The following DAGLA variants were observed in gnomAD, a reference collection of about 807,000 sequenced individuals.
The protein encoded by DAGLA is diacylglycerol lipase alpha.
In DAGLA, 22 loss-of-function variants were observed where a neutral mutation model predicts 102.6. The observed-to-expected ratio is 0.21, with a 90% CI of 0.15 to 0.31. The LOEUF (loss-of-function observed/expected upper bound fraction) is 0.31, where lower values mean the gene tolerates loss of function less well. Ranked by LOEUF, DAGLA falls within the 10% of genes least tolerant of loss-of-function variation. The probability of loss-of-function intolerance (pLI) is 1.00; values close to 1 mark genes in which losing one functional copy is unlikely to be tolerated. For synonymous variants in DAGLA, 578 were observed against 628.9 expected (o/e 0.92, Z 1.21); for missense variants, 927 against 1,446.6 (o/e 0.64, Z 5.83).
At position 61,720,905 on chromosome 11, in the gene DAGLA, C is replaced by A. The variant is rs757090449; in HGVS notation, c.307+15C>A. Reference sequence around the variant, plus strand: ...CGTGCGCCTGGGTAAGGGCCACCCACCCTGGGGTGCTGCCCCAGACAACTC... The same window carrying A: ...CGTGCGCCTGGGTAAGGGCCACCCAACCTGGGGTGCTGCCCCAGACAACTC... On this transcript the variant is annotated intron_variant, in intron 3 of 19. Coordinates refer to ENST00000257215, the MANE Select transcript of DAGLA (RefSeq NM_006133.3). 3 of 1,605,360 alleles carry A rather than the reference C, an allele frequency of 1.9e-6. No individual in the cohort carries two copies. Among genetic ancestry groups the A allele is most frequent in the Non-Finnish European group, 2.6e-6 (3 of 1,174,820 alleles).
chr11:61,708,517 A>G (rs2135568094), intron 1 of DAGLA, among the ~76,000 whole-genome samples: 2 of 152,042 alleles, frequency 1.3e-5, no homozygotes, highest in Middle Eastern at 6.8e-3. Flanking sequence ...AGTAGCTGGG[A>G]CTACAGGCTC....
intron 2 of DAGLA, 136 bp downstream of exon 2, chr11:61,720,386 C>T (rs1269420769): frequency 2.4e-6 from 2 of 845,192 alleles, no homozygotes; most frequent in Non-Finnish European, 3.8e-6. Flanking sequence ...GGAGGAGGTG[C>T]CTGAAACATC....
chr11:61,729,116 C>A, intron 8 of DAGLA, 108 bp downstream of exon 8: 3 of 967,152 alleles, frequency 3.1e-6, no homozygotes, highest in Non-Finnish European at 4.9e-6. Context: ...AGCCACATTG[C>A]CCCTGCCCGG....
intron 1 of DAGLA, among the ~76,000 whole-genome samples, chr11:61,697,078 C>T (rs198453): frequency 0.27 from 40,617 of 152,126 alleles, 5,682 homozygotes; most frequent in East Asian, 0.48. Context: ...TGGCATGGTT[C>T]GGTCTTGGCA....
Position 61,734,703 on chromosome 11 carries a change from G to T in DAGLA, c.975-146G>T. The T allele has an allele frequency of 1.4e-6, 1 of 697,552 alleles. No individual in the cohort carries two copies. The highest frequency in any genetic ancestry group is 2.6e-5 in the Admixed American group (1 of 38,898). The allele number at this position is 697,552 out of a possible 1,614,324, so 43.2% of individuals were successfully genotyped here. A position where few individuals can be genotyped will look rare whatever the true frequency, so the allele number is the denominator to read the frequency against. On this transcript the variant is annotated intron_variant, in intron 9 of 19. Coordinates refer to ENST00000257215, the MANE Select transcript of DAGLA (RefSeq NM_006133.3). The surrounding 1 kb of genome is among the most constrained non-coding windows in gnomAD (Gnocchi z 4.2). ...GAGTGGCCAGTGGATTTGGTGACGT[G>T]GGGGTCACTAGGACTTAGCAAGGGC...
chr11:61,735,621 A>G lies in DAGLA; in HGVS notation c.1189A>G (p.Ile397Val). The G allele has an allele frequency of 6.2e-7, 1 of 1,614,072 alleles. No individual in the cohort carries two copies. The highest frequency in any genetic ancestry group is 8.5e-7 in the Non-Finnish European group (1 of 1,179,944). ...DHDKKKVVIS[I>V]RGTLSPKDAL... Reference sequence around the variant, plus strand: ...TGACAAGAAGAAAGTGGTGATCAGTATCCGGGGGACCCTGTCCCCCAAGGT... The same window carrying G: ...TGACAAGAAGAAAGTGGTGATCAGTGTCCGGGGGACCCTGTCCCCCAAGGT... Residue 397 changes from isoleucine to valine, a missense_variant, in exon 11 of 20, where the codon ATC becomes GTC. By Grantham distance (29) the Ile-to-Val change is conservative. This residue lies in a region of DAGLA where 218 missense variants were observed against 459.6 expected (regional missense o/e 0.47). Coordinates refer to ENST00000257215, the MANE Select transcript of DAGLA (RefSeq NM_006133.3).
chr11:61,694,545 G>A (rs1040612949), intron 1 of DAGLA, among the ~76,000 whole-genome samples: 2 of 152,174 alleles, frequency 1.3e-5, no homozygotes, highest in African/African-American at 2.4e-5. Context: ...GTGCCTCTGC[G>A]CCGGCTGCCT....
Position 61,734,300 on chromosome 11 carries a change from GGCCAAGCCACCGA to G in DAGLA, c.975-547_975-535del, listed in dbSNP as rs1345524604. Among the ~76,000 whole-genome samples the G allele has an allele frequency of 2.0e-5, 3 of 151,954 alleles. No homozygotes were observed. Among genetic ancestry groups the G allele is most frequent in the Admixed American group, 2.0e-4 (3 of 15,274 alleles). On this transcript the variant is annotated intron_variant, in intron 9 of 19. Coordinates refer to ENST00000257215, the MANE Select transcript of DAGLA (RefSeq NM_006133.3). The surrounding 1 kb of genome is among the most constrained non-coding windows in gnomAD (Gnocchi z 4.2). The stretch of plus-strand genomic sequence containing the variant: ...GAGCCACAGACAGTTGCAAGCCAGA[GGCCAAGCCACCGA>G]GGGGCCTTGGGAAGACCTCAGGAGG...
chr11:61,711,091 G>T (rs908053014), intron 1 of DAGLA, among the ~76,000 whole-genome samples: 1 of 152,192 alleles, frequency 6.6e-6, no homozygotes, highest in Admixed American at 6.5e-5. Flanking sequence ...CCGGGAGAGT[G>T]GGGTAAAGAC....
At chr11:61,727,607 C>G (rs2065339532) in intron 6 of DAGLA, among the ~76,000 whole-genome samples, 1 of 152,180 alleles carries the variant, frequency 6.6e-6, no homozygotes, top group African/African-American at 2.4e-5. Context: ...ACCACTGGGC[C>G]AGAGAGTACA....
At chr11:61,707,135 C>T (rs2065156779) in intron 1 of DAGLA, among the ~76,000 whole-genome samples, 1 of 152,268 alleles carries the variant, frequency 6.6e-6, no homozygotes, top group African/African-American at 2.4e-5. Flanking sequence ...CTGCCGTGTC[C>T]TCGTGAAGTG....
intron 17 of DAGLA, 75 bp from the exon 18 acceptor site, chr11:61,740,388 G>C (rs1407317460): frequency 2.6e-6 from 4 of 1,561,344 alleles, no homozygotes; most frequent in African/African-American, 2.7e-5. Context: ...GCAGAGAACA[G>C]AGCCAGGAGG....
intron 10 of DAGLA, 42 bp from the exon 11 acceptor site, chr11:61,735,519 C>T (rs763038811): frequency 4.4e-6 from 7 of 1,582,922 alleles, no homozygotes; most frequent in Admixed American, 1.7e-5. Context: ...TGAGTGTGGC[C>T]CCACCAGGGC....
intron 8 of DAGLA, among the ~76,000 whole-genome samples, chr11:61,730,823 GCC>G: frequency 6.6e-6 from 1 of 152,224 alleles, no homozygotes; most frequent in Non-Finnish European, 1.5e-5. Flanking sequence ...GAACCCAAGG[GCC>G]AGAGATTTGG....
chr11:61,717,209 C>T (rs1187708314), intron 1 of DAGLA, among the ~76,000 whole-genome samples: 4 of 152,212 alleles, frequency 2.6e-5, no homozygotes, highest in Non-Finnish European at 5.9e-5. Flanking sequence ...GATGAAATCA[C>T]ATCCCCAGCA....
At chr11:61,701,666 CTG>C (rs1033350862) in intron 1 of DAGLA, among the ~76,000 whole-genome samples, 27 of 152,336 alleles carry the variant, frequency 1.8e-4, no homozygotes, top group African/African-American at 5.5e-4. Context: ...AAGGGCAGTT[CTG>C]TGTCACAGGG....
At chr11:61,729,592 T>A (rs1225588744) in intron 8 of DAGLA, among the ~76,000 whole-genome samples, 4 of 152,176 alleles carry the variant, frequency 2.6e-5, no homozygotes, top group Admixed American at 6.5e-5. Flanking sequence ...TCTGCTCTGA[T>A]GCCTGTCGCT....
chr11:61,717,071 C>T (rs773676199), intron 1 of DAGLA, among the ~76,000 whole-genome samples: 2 of 152,296 alleles, frequency 1.3e-5, no homozygotes, highest in South Asian at 2.1e-4. Context: ...CGCCTACCCC[C>T]GCCCCACTGT....
intron 1 of DAGLA, among the ~76,000 whole-genome samples, chr11:61,683,827 C>T (rs1591020325): frequency 6.6e-6 from 1 of 152,136 alleles, no homozygotes; most frequent in South Asian, 2.1e-4. Context: ...ATGCTGATTT[C>T]GAGTAAGTTC....
Sources: allele counts gnomAD v4.1 joint callset (sites outside exome capture counted in the v4.1 genomes callset), GRCh38; gene constraint gnomAD v4.1.1; regional missense constraint gnomAD v4.1.1; non-coding constraint Gnocchi (gnomAD v3.1); transcripts MANE v1.5; gene names NCBI Gene and HGNC (gene_info 2026-07-23, HGNC 2026-07-21).